The following ZMAT4 variants were observed in gnomAD, a reference collection of about 807,000 sequenced individuals.
ZMAT4 encodes zinc finger matrin-type 4.
A neutral mutation model predicts 28.7 loss-of-function variants in ZMAT4; 17 were observed. The observed-to-expected ratio is 0.59, with a 90% confidence interval of 0.41 to 0.89. The LOEUF is 0.89. Ranked by LOEUF, ZMAT4 falls within the 40% of genes least tolerant of loss-of-function variation. The pLI, the probability that ZMAT4 is intolerant of heterozygous loss-of-function variation, is 0.00. For synonymous variants in ZMAT4, 117 were observed against 109.2 expected (o/e 1.07, Z -0.44); for missense variants, 240 against 283.8 (o/e 0.85, Z 1.11).
chr8:40,826,205 G>A (rs905400713), intron 1 of ZMAT4, among the ~76,000 whole-genome samples: 6 of 152,240 alleles, frequency 3.9e-5, no homozygotes, highest in East Asian at 1.9e-4. Context: ...AATAGAAAGT[G>A]GGTTAAATGA....
chr8:40,620,936 A>T (rs1806175997), intron 5 of ZMAT4, among the ~76,000 whole-genome samples: 1 of 152,292 alleles, frequency 6.6e-6, no homozygotes, highest in Admixed American at 6.5e-5. Context: ...CTGCTTATTC[A>T]TTTCCAATGC....
At chr8:40,835,373 C>A (rs1320086552) in intron 1 of ZMAT4, among the ~76,000 whole-genome samples, 1 of 152,190 alleles carries the variant, frequency 6.6e-6, no homozygotes, top group East Asian at 1.9e-4. Context: ...AAGCCACTCA[C>A]ATTTTAAAGA....
At chr8:40,657,230 G>T (rs894124205) in intron 5 of ZMAT4, among the ~76,000 whole-genome samples, 2 of 152,050 alleles carry the variant, frequency 1.3e-5, no homozygotes, top group Admixed American at 1.3e-4. Context: ...TAAGAACAAA[G>T]AAAGCGTGTT....
intron 3 of ZMAT4, among the ~76,000 whole-genome samples, chr8:40,699,066 T>C (rs1466846709): frequency 6.6e-6 from 1 of 152,066 alleles, no homozygotes; most frequent in Non-Finnish European, 1.5e-5. Context: ...GGAAATGAAA[T>C]GGACCTGGAG....
At chr8:40,873,820 C>A (rs1354876112) in intron 1 of ZMAT4, among the ~76,000 whole-genome samples, 1 of 152,162 alleles carries the variant, frequency 6.6e-6, no homozygotes, top group Non-Finnish European at 1.5e-5. Flanking sequence ...TTTTTAACTT[C>A]TATTGTTTTT....
chr8:40,595,892 T>C (rs765995414), intron 5 of ZMAT4, among the ~76,000 whole-genome samples: 7 of 152,114 alleles, frequency 4.6e-5, no homozygotes, highest in Non-Finnish European at 1.0e-4. Flanking sequence ...AAGACCAGCC[T>C]GGTCAACATG....
intron 5 of ZMAT4, among the ~76,000 whole-genome samples, chr8:40,650,298 G>A (rs375572047): frequency 5.3e-5 from 8 of 151,120 alleles, no homozygotes; most frequent in East Asian, 3.9e-4. Flanking sequence ...CTACAAACAC[G>A]TCTATGCAAA....
At chr8:40,759,506 C>T (rs1812840551) in intron 3 of ZMAT4, among the ~76,000 whole-genome samples, 1 of 152,138 alleles carries the variant, frequency 6.6e-6, no homozygotes, top group Admixed American at 6.5e-5. Context: ...CATATGCCAC[C>T]TGAACTGCCA....
Position 40,880,596 on chromosome 8 carries a change from C to T in ZMAT4, c.-5+17087G>A, listed in dbSNP as rs138952441. Among the ~76,000 whole-genome samples, 131 of 152,172 alleles carry T rather than the reference C, an allele frequency of 8.6e-4. 2 individuals carry two copies. In the East Asian group the frequency reaches 0.022, roughly 26 times the overall value. On this transcript the variant is annotated intron_variant, in intron 1 of 6. Transcript: ENST00000297737. ...TAAGTGCTTGCCTTGAATCATCTCC[C>T]TTCACCACAAAATGCCTATGAGGTA...
rs142717857 is a variant in ZMAT4 at position 40,600,689 on chromosome 8, G to T, written c.578-19428C>A. On this transcript the variant is annotated intron_variant, in intron 5 of 6. Transcript: ENST00000297737. Reference sequence around the variant, plus strand: ...CCTTCTGAAGGGCTCCAACGGTCTAGAGTGCCAAACTCCAGTTCCTCCATG... The same window carrying T: ...CCTTCTGAAGGGCTCCAACGGTCTATAGTGCCAAACTCCAGTTCCTCCATG... Among the ~76,000 whole-genome samples the T allele has an allele frequency of 2.0e-5, 3 of 152,318 alleles. No homozygotes were observed. In the East Asian group the frequency reaches 5.8e-4, roughly 29 times the overall value.
intron 6 of ZMAT4, among the ~76,000 whole-genome samples, chr8:40,534,829 C>A (rs542045755): frequency 1.3e-5 from 2 of 152,030 alleles, no homozygotes. Context: ...ATTACAGCCA[C>A]GTGCTACCAC....
At chr8:40,790,649 TGAGA>T (rs1340144162) in intron 2 of ZMAT4, among the ~76,000 whole-genome samples, 1 of 151,950 alleles carries the variant, frequency 6.6e-6, no homozygotes, top group Non-Finnish European at 1.5e-5. Context: ...ACAAAAAAAT[TGAGA>T]GATATATTAA....
chr8:40,768,819 C>T (rs2150562448), intron 2 of ZMAT4, among the ~76,000 whole-genome samples: 1 of 152,300 alleles, frequency 6.6e-6, no homozygotes, highest in African/African-American at 2.4e-5. Context: ...TCCCCCTTCC[C>T]TTTCCTTTAC....
chr8:40,665,827 G>A lies in ZMAT4; in HGVS notation c.577+8877C>T, dbSNP rs528976318. Among the ~76,000 whole-genome samples, 114 of 152,236 alleles carry A rather than the reference G, an allele frequency of 7.5e-4. No homozygotes were observed. The Middle Eastern group carries it at 0.01, about 14-fold the overall frequency. ...ACTTAGAAGGGGACAGTCACTTCACGTCTCTGGGCCTCAGAATCATTCTCT... is the reference window on the plus strand; with the variant it reads ...ACTTAGAAGGGGACAGTCACTTCACATCTCTGGGCCTCAGAATCATTCTCT... On this transcript the variant is annotated intron_variant, in intron 5 of 6. Transcript: ENST00000297737.
chr8:40,670,249 A>C (rs1808610662), intron 5 of ZMAT4, among the ~76,000 whole-genome samples: 1 of 152,236 alleles, frequency 6.6e-6, no homozygotes, highest in Non-Finnish European at 1.5e-5. Context: ...CACAATCAAA[A>C]GATGTTCAAC....
chr8:40,715,100 G>A lies in ZMAT4; in HGVS notation c.193-17699C>T, dbSNP rs139339701. Among the ~76,000 whole-genome samples the A allele has an allele frequency of 3.4e-5, 5 of 147,420 alleles. No homozygotes were observed. In the East Asian group the frequency reaches 6.0e-4, roughly 18 times the overall value. ...TGTTAAAGGGGTCCAAGAAGACCTC[G>A]CTATGGAAGGGACTTTTGAATAAAG... On this transcript the variant is annotated intron_variant, in intron 3 of 6. Coordinates refer to ENST00000297737, the MANE Select transcript of ZMAT4 (RefSeq NM_024645.3).
chr8:40,760,792 C>T (rs1217340645), intron 3 of ZMAT4, among the ~76,000 whole-genome samples: 1 of 151,854 alleles, frequency 6.6e-6, no homozygotes, highest in South Asian at 2.1e-4. Flanking sequence ...CTCTCTCTCT[C>T]GTGCTTTTGC....
At chr8:40,743,258 C>T (rs1462386098) in intron 3 of ZMAT4, among the ~76,000 whole-genome samples, 1 of 152,166 alleles carries the variant, frequency 6.6e-6, no homozygotes, top group African/African-American at 2.4e-5. Context: ...GAATTTAGGG[C>T]TTTAAAACAT....
At chr8:40,896,108 A>G (rs867203323) in intron 1 of ZMAT4, among the ~76,000 whole-genome samples, 1 of 152,162 alleles carries the variant, frequency 6.6e-6, no homozygotes, top group Non-Finnish European at 1.5e-5. Flanking sequence ...AACCATTGTG[A>G]ATAGAGTTTC....
Sources: gnomAD v4.1 joint callset for allele counts (sites outside exome capture counted in the v4.1 genomes callset) on GRCh38, gnomAD v4.1.1 for gene constraint, MANE v1.5 for transcripts, NCBI Gene and HGNC (gene_info 2026-07-23, HGNC 2026-07-21) for gene names.